Variants in CCDC102B observed in about 807,000 individuals in gnomAD.
The protein encoded by CCDC102B is coiled-coil domain-containing protein 102B.
A neutral mutation model predicts 57.4 loss-of-function variants in CCDC102B; 75 were observed. The ratio of observed to expected loss-of-function variants is 1.31; its 90% CI spans 1.08 to 1.58. The LOEUF (loss-of-function observed/expected upper bound fraction) is 1.58, where lower values mean the gene tolerates loss of function less well. Among genes scored for constraint, CCDC102B ranks in the 40% most tolerant of loss-of-function variants. The pLI is 0.00. For missense variants in CCDC102B, 636 were observed against 582.6 expected (o/e 1.09, Z -0.94); for synonymous variants, 206 against 201.9 (o/e 1.02, Z -0.17).
intron 2 of CCDC102B, among the ~76,000 whole-genome samples, chr18:68,785,435 G>C (rs1461492336): frequency 1.3e-5 from 2 of 152,090 alleles, no homozygotes; most frequent in East Asian, 3.9e-4. Context: ...CTAGTTTACA[G>C]TCCTACCAAC....
chr18:68,761,403 G>A (rs1320013151), intron 2 of CCDC102B, among the ~76,000 whole-genome samples: 1 of 151,976 alleles, frequency 6.6e-6, no homozygotes, highest in East Asian at 1.9e-4. Context: ...GTGTGAAGCA[G>A]TTTCTGTTAA....
intron 6 of CCDC102B, among the ~76,000 whole-genome samples, chr18:69,004,750 G>A (rs375086387): frequency 6.6e-6 from 1 of 151,990 alleles, no homozygotes; most frequent in South Asian, 2.1e-4. Flanking sequence ...GTTAGAGATC[G>A]TATCTAACTA....
rs1007957479 is a variant in CCDC102B, at chr18:69,054,426, G to T, written c.*289G>T. 18 of 1,064,064 alleles carry T rather than the reference G, an allele frequency of 1.7e-5. No homozygotes were observed. The highest frequency in any genetic ancestry group is 2.0e-5 in the Non-Finnish European group (18 of 881,932). The allele number at this position is 1,064,064 out of a possible 1,614,324, so 65.9% of individuals were successfully genotyped here. On this transcript the variant is annotated 3_prime_UTR_variant, in exon 8 of 8. Transcript: ENST00000360242. ...TCAGAATACTTTTTACATAAAATCT[G>T]AAAGAGTTATAATATCGGTAAGAAA... is the stretch of plus-strand genomic sequence containing the variant.
At chr18:68,943,390 T>A (rs1164173410) in intron 6 of CCDC102B, among the ~76,000 whole-genome samples, 2 of 152,182 alleles carry the variant, frequency 1.3e-5, no homozygotes, top group African/African-American at 4.8e-5. Context: ...CACATTTCAA[T>A]CTTTTACTGA....
At chr18:68,805,253 G>A (rs1599486759) in intron 1 of CCDC102B, among the ~76,000 whole-genome samples, 1 of 152,202 alleles carries the variant, frequency 6.6e-6, no homozygotes, top group Non-Finnish European at 1.5e-5. Context: ...GGATTATTCA[G>A]TAGAATGTTT....
Position 69,010,992 on chromosome 18 carries a change from T to C in CCDC102B, c.1322T>C (p.Ile441Thr). 2 of 1,613,790 alleles carry C rather than the reference T, an allele frequency of 1.2e-6. No individual in the cohort carries two copies. Among genetic ancestry groups the C allele is most frequent in the South Asian group, 1.1e-5 (1 of 91,036 alleles). Residue 441 changes from isoleucine to threonine, a missense_variant, in exon 7 of 8, where the codon ATT becomes ACT. Ile to Thr is a moderately conservative substitution (Grantham distance 89, BLOSUM62 -1). Transcript: ENST00000360242. ...CTAAACAGACAATACCAGGCAAATA[T>C]TGCAGAACTGACTCATGCAAACAAC... is the stretch of plus-strand genomic sequence containing the variant. ...YKLNRQYQAN[I>T]AELTHANNRV...
chr18:69,018,535 G>A (rs72959956), intron 7 of CCDC102B, among the ~76,000 whole-genome samples: 5,452 of 152,094 alleles, frequency 0.036, 142 homozygotes, highest in East Asian at 0.11. Context: ...TAGTGATGTC[G>A]AGCACCTTTT....
intron 6 of CCDC102B, among the ~76,000 whole-genome samples, chr18:68,962,149 A>G (rs1172373350): frequency 2.0e-5 from 3 of 152,082 alleles, no homozygotes; most frequent in Non-Finnish European, 4.4e-5. Context: ...GTTTTGCTTT[A>G]GTTTCCCTTA....
Position 69,054,779 on chromosome 18 carries a change from A to T in CCDC102B, c.*642A>T, listed in dbSNP as rs757941520. On this transcript the variant is annotated 3_prime_UTR_variant, in exon 8 of 8. Coordinates refer to ENST00000360242, the MANE Select transcript of CCDC102B (RefSeq NM_024781.3). Reference sequence around the variant, plus strand: ...TAAGCATCGCTGAGAAACTAAAAGGACTTTTGACTTTTATCTGGATAGACA... The same window carrying T: ...TAAGCATCGCTGAGAAACTAAAAGGTCTTTTGACTTTTATCTGGATAGACA... 1.0e-6 allele frequency: 1 copy of T among 985,206 alleles called. No homozygotes were observed. Among genetic ancestry groups the T allele is most frequent in the Non-Finnish European group, 1.2e-6 (1 of 829,912 alleles). 61.0% of individuals were successfully genotyped at this position (985,206 alleles called of 1,614,324 possible).
At chr18:68,834,965 A>G (rs907716245) in intron 1 of CCDC102B, among the ~76,000 whole-genome samples, 2 of 152,076 alleles carry the variant, frequency 1.3e-5, no homozygotes, top group Non-Finnish European at 2.9e-5. Flanking sequence ...AATGTCATGC[A>G]CATAAAATAT....
At chr18:68,963,809 A>G (rs1312793915) in intron 6 of CCDC102B, among the ~76,000 whole-genome samples, 4 of 151,822 alleles carry the variant, frequency 2.6e-5, no homozygotes, top group Admixed American at 6.6e-5. Flanking sequence ...GTATATATGT[A>G]TGTATGTATG....
rs142214543 is a variant in CCDC102B at position 68,855,017 on chromosome 18, A to G, written c.936+8596A>G. Among the ~76,000 whole-genome samples the G allele has an allele frequency of 8.6e-3, 1,307 of 152,350 alleles. 16 individuals carry two copies. Among genetic ancestry groups the G allele is most frequent in the East Asian group, 0.037 (190 of 5,184 alleles). ...TGCACAGGTCAGACTCTTATTCCCA[A>G]AGATTTCAAGAATGTCATATGTGAC... is the stretch of plus-strand genomic sequence containing the variant. On this transcript the variant is annotated intron_variant, in intron 4 of 7. Transcript: ENST00000360242.
intron 2 of CCDC102B, among the ~76,000 whole-genome samples, chr18:68,729,182 A>G (rs1423787189): frequency 1.3e-5 from 2 of 152,216 alleles, no homozygotes; most frequent in Non-Finnish European, 1.5e-5. Context: ...GAAAATTATG[A>G]CACTTTTTAA....
chr18:68,746,827 T>C (rs534638925), intron 2 of CCDC102B, among the ~76,000 whole-genome samples: 2 of 152,180 alleles, frequency 1.3e-5, no homozygotes, highest in African/African-American at 4.8e-5. Context: ...TTTGGACATA[T>C]AGATATTCCC....
intron 2 of CCDC102B, among the ~76,000 whole-genome samples, chr18:68,757,116 A>C (rs1172568747): frequency 6.6e-6 from 1 of 152,132 alleles, no homozygotes; most frequent in Non-Finnish European, 1.5e-5. Context: ...TAAGGCCCTC[A>C]ATTGGAATAC....
chr18:68,770,484 A>G (rs933292429), intron 2 of CCDC102B, among the ~76,000 whole-genome samples: 1 of 152,202 alleles, frequency 6.6e-6, no homozygotes, highest in Non-Finnish European at 1.5e-5. Flanking sequence ...AGACAAGTTT[A>G]TTGAATTGGG....
chr18:68,762,730 T>G (rs1443368382), intron 2 of CCDC102B, among the ~76,000 whole-genome samples: 1 of 152,156 alleles, frequency 6.6e-6, no homozygotes, highest in African/African-American at 2.4e-5. Context: ...AAAACAGAAT[T>G]CATGCTACTT....
At chr18:68,965,627 T>A (rs1200703778) in intron 6 of CCDC102B, among the ~76,000 whole-genome samples, 1 of 151,304 alleles carries the variant, frequency 6.6e-6, no homozygotes, top group Non-Finnish European at 1.5e-5. Context: ...TATATATATA[T>A]AAAAAACCAG....
In CCDC102B at chr18:68,911,245, C is replaced by T. The variant is rs1336612069; in HGVS notation, c.1263+13817C>T. On this transcript the variant is annotated intron_variant, in intron 6 of 7. Coordinates refer to ENST00000360242, the MANE Select transcript of CCDC102B (RefSeq NM_024781.3). ...TATGGTACATACACATCATGGAATA[C>T]TATGCAGCCACAAAAAAGAATGGGA... 5.9e-5 allele frequency among the ~76,000 whole-genome samples: 9 copies of T among 152,156 alleles called. No homozygotes were observed. The East Asian group carries it at 1.5e-3, about 26-fold the overall frequency.
Sources: allele counts gnomAD v4.1 joint callset (sites outside exome capture counted in the v4.1 genomes callset), GRCh38; gene constraint gnomAD v4.1.1; transcripts MANE v1.5; gene names NCBI Gene and HGNC (gene_info 2026-07-23, HGNC 2026-07-21).